The following SNX33 variants were observed in gnomAD, a reference collection of about 807,000 sequenced individuals.
SNX33 encodes sorting nexin-33.
In SNX33, 19 loss-of-function variants were observed where a neutral mutation model predicts 38.8. The observed-to-expected ratio is 0.49, with a 90% CI of 0.34 to 0.72. The LOEUF (loss-of-function observed/expected upper bound fraction) is 0.72. SNX33 is among the 30% of genes least tolerant of loss of function. The pLI is 0.01. For synonymous variants in SNX33, 246 were observed against 289.7 expected (o/e 0.85, Z 1.53); for missense variants, 641 against 776.4 (o/e 0.83, Z 2.07).
Position 75,657,203 on chromosome 15 carries a change from T to C in SNX33, c.1713T>C (p.Tyr571=). 1.2e-6 allele frequency: 2 copies of C among 1,614,004 alleles called. No individual in the cohort carries two copies. The highest frequency in any genetic ancestry group is 1.7e-6 in the Non-Finnish European group (2 of 1,179,930). ...GQQLEKTLRM[Y]DNL ...AGCTGGAGAAGACCCTGCGCATGTA[T>C]GACAACCTCTGACCGCGTGTGCCTG... Residue 571 remains tyrosine (Y), a synonymous_variant, in exon 2 of 2, where the codon TAT becomes TAC. Transcript: ENST00000308527. The surrounding 1 kb of genome is among the most constrained non-coding windows in gnomAD (Gnocchi z 5.5).
At chr15:75,656,814 A>G in intron 1 of SNX33, 148 bp from the exon 2 acceptor site, 1 of 1,269,390 alleles carries the variant, frequency 7.9e-7, no homozygotes, top group Middle Eastern at 2.8e-4. Context: ...ACATCCTGGC[A>G]GAGACACCCA....
In SNX33 at chr15:75,660,864, AG is replaced by A. The variant is rs1443778820; in HGVS notation, c.*3654del. 1 of 152,184 alleles carries A rather than the reference AG, an allele frequency of 6.6e-6. No homozygotes were observed. Among genetic ancestry groups the A allele is most frequent in the Non-Finnish European group, 1.5e-5 (1 of 68,032 alleles). The allele number at this position is 152,184 out of a possible 1,614,324, so 9.4% of individuals were successfully genotyped here. On this transcript the variant is annotated 3_prime_UTR_variant, in exon 2 of 2. Transcript: ENST00000308527. ...ACCACCCCTGGAGGGGGTGTCTCCA[AG>A]GGGGAGTAGAGCCAGTCACAAGCAC...
Position 75,649,028 on chromosome 15 carries a change from T to C in SNX33, c.-75T>C. On this transcript the variant is annotated 5_prime_UTR_variant, in exon 1 of 2. Transcript: ENST00000308527. The surrounding 1 kb of genome is among the most constrained non-coding windows in gnomAD (Gnocchi z 6.6). Reference sequence around the variant, plus strand: ...CGCCATTCAGCTGCGAGTGCATTCTTGGACTGCCTTGTGAGCATCCCCGGT... The same window carrying C: ...CGCCATTCAGCTGCGAGTGCATTCTCGGACTGCCTTGTGAGCATCCCCGGT... 1 of 1,504,466 alleles carries C rather than the reference T, an allele frequency of 6.6e-7. No individual in the cohort carries two copies. Among genetic ancestry groups the C allele is most frequent in the Admixed American group, 2.2e-5 (1 of 44,768 alleles). The allele number at this position is 1,504,466 out of a possible 1,614,324, so 93.2% of individuals were successfully genotyped here.
chr15:75,656,908 G>T, intron 1 of SNX33, 54 bp from the exon 2 acceptor site: 1 of 1,583,142 alleles, frequency 6.3e-7, no homozygotes, highest in South Asian at 1.1e-5. Context: ...AGGGTACAGG[G>T]AGCACATGGA....
At position 75,657,389 on chromosome 15, in the gene SNX33, G is replaced by C; in HGVS notation, c.*174G>C. Reference sequence around the variant, plus strand: ...TTCAAGGAGTCATGGGTGCCCCTGGGAAATTCCCCACTCCTTAGAAGTGGG... The same window carrying C: ...TTCAAGGAGTCATGGGTGCCCCTGGCAAATTCCCCACTCCTTAGAAGTGGG... On this transcript the variant is annotated 3_prime_UTR_variant, in exon 2 of 2. Coordinates refer to ENST00000308527, the MANE Select transcript of SNX33 (RefSeq NM_153271.2). The surrounding 1 kb of genome is among the most constrained non-coding windows in gnomAD (Gnocchi z 5.5). 1 of 1,078,894 alleles carries C rather than the reference G, an allele frequency of 9.3e-7. No individual in the cohort carries two copies. The allele number at this position is 1,078,894 out of a possible 1,614,324, so 66.8% of individuals were successfully genotyped here.
In SNX33 at chr15:75,657,903, T is replaced by G. The variant is rs181726098; in HGVS notation, c.*688T>G. On this transcript the variant is annotated 3_prime_UTR_variant, in exon 2 of 2. Transcript: ENST00000308527. The surrounding 1 kb of genome is among the most constrained non-coding windows in gnomAD (Gnocchi z 5.5). Reference sequence around the variant, plus strand: ...AACATCTCCCTCTTCTCTCCCTTACTTTCCAAGCAAGTTAGGTACGCTTTC... The same window carrying G: ...AACATCTCCCTCTTCTCTCCCTTACGTTCCAAGCAAGTTAGGTACGCTTTC... 6.5e-6 allele frequency: 1 copy of G among 153,542 alleles called. No individual in the cohort carries two copies. The highest frequency in any genetic ancestry group is 1.9e-4 in the East Asian group (1 of 5,188). 9.5% of individuals were successfully genotyped at this position (153,542 alleles called of 1,614,324 possible).
Position 75,650,147 on chromosome 15 carries a change from G to A in SNX33, c.1045G>A (p.Glu349Lys). ...KQWKMGKRRA[E>K]KDEMVGASFL... is the part of the protein sequence containing the mutation. The stretch of plus-strand genomic sequence containing the variant: ...GTGGAAGATGGGCAAACGCCGGGCG[G>A]AGAAGGATGAGATGGTGGGTGCCAG... Residue 349 changes from glutamate (E) to lysine (K), a missense_variant, in exon 1 of 2, where the codon GAG becomes AAG. By Grantham distance (56) the Glu-to-Lys change is moderately conservative. Coordinates refer to ENST00000308527, the MANE Select transcript of SNX33 (RefSeq NM_153271.2). The surrounding 1 kb of genome is among the most constrained non-coding windows in gnomAD (Gnocchi z 6.1). The A allele has an allele frequency of 6.2e-7, 1 of 1,612,980 alleles. No individual in the cohort carries two copies. Among genetic ancestry groups the A allele is most frequent in the Non-Finnish European group, 8.5e-7 (1 of 1,179,396 alleles).
chr15:75,652,006 GTTTT>G lies in SNX33; in HGVS notation c.1471+1445_1471+1448del, dbSNP rs10706187. 1.2e-3 allele frequency among the ~76,000 whole-genome samples: 153 copies of G among 132,860 alleles called. 1 individual carries two copies. Among genetic ancestry groups the G allele is most frequent in the African/African-American group, 4.9e-3 (152 of 30,948 alleles). 87.2% of individuals were successfully genotyped at this position (132,860 alleles called of 152,430 possible). On this transcript the variant is annotated intron_variant, in intron 1 of 1. Transcript: ENST00000308527. Reference sequence around the variant, plus strand: ...ATCCTCTTCCTCTTCCTTTCTTTCTGTTTTTTTTTTTTTTTCTCTCATCTCTACC... The same window carrying G: ...ATCCTCTTCCTCTTCCTTTCTTTCTGTTTTTTTTTTTCTCTCATCTCTACC...
rs1386593927 is a variant in SNX33, at chr15:75,657,434, A to T, written c.*219A>T. ...AGTGGGGCACAGCAGGGGTGAGAAT[A>T]GAGTCAGGAGCCCTCGAGGCCAAGG... On this transcript the variant is annotated 3_prime_UTR_variant, in exon 2 of 2. Coordinates refer to ENST00000308527, the MANE Select transcript of SNX33 (RefSeq NM_153271.2). This position sits in a 1 kb window ranked among gnomAD's most constrained non-coding sequence, Gnocchi z 5.5. The T allele has an allele frequency of 2.7e-6, 2 of 747,644 alleles. No homozygotes were observed. The highest frequency in any genetic ancestry group is 4.2e-6 in the Non-Finnish European group (2 of 473,998). 46.3% of individuals were successfully genotyped at this position (747,644 alleles called of 1,614,324 possible). A position where few individuals can be genotyped will look rare whatever the true frequency, so the allele number is the denominator to read the frequency against.
chr15:75,650,496 T>C lies in SNX33; in HGVS notation c.1394T>C (p.Leu465Pro). The change falls in exon 1 of 2, where the codon CTC (leucine) becomes CCC (proline). Residue 465 changes from leucine (L) to proline (P), a missense_variant. Leu to Pro is a moderately conservative substitution (Grantham distance 98). This residue lies in a region of SNX33 where 398 missense variants were observed against 542.5 expected (regional missense o/e 0.73). Coordinates refer to ENST00000308527, the MANE Select transcript of SNX33 (RefSeq NM_153271.2). This position sits in a 1 kb window ranked among gnomAD's most constrained non-coding sequence, Gnocchi z 6.1. ...TTTGCTGAGCAGCCCAAGAATGACC[T>C]CTTCCAGATGCTGGACACACTGTCT... is the stretch of plus-strand genomic sequence containing the variant. ...EMFAEQPKND[L>P]FQMLDTLSLY... 1 of 1,614,026 alleles carries C rather than the reference T, an allele frequency of 6.2e-7. No individual in the cohort carries two copies. Among genetic ancestry groups the C allele is most frequent in the Non-Finnish European group, 8.5e-7 (1 of 1,180,008 alleles).
At chr15:75,652,802 G>A (rs778807867) in intron 1 of SNX33, among the ~76,000 whole-genome samples, 2 of 152,200 alleles carry the variant, frequency 1.3e-5, no homozygotes, top group Non-Finnish European at 2.9e-5. Context: ...TAGGGAGGGG[G>A]TACTGAGACA....
In SNX33 at chr15:75,649,443, A is replaced by T; in HGVS notation, c.341A>T (p.Asp114Val). 6.5e-7 allele frequency: 1 copy of T among 1,537,332 alleles called. No homozygotes were observed. Among genetic ancestry groups the T allele is most frequent in the East Asian group, 2.3e-5 (1 of 43,970 alleles). Residue 114 changes from aspartate to valine, a missense_variant, in exon 1 of 2, where the codon GAT (aspartate) becomes GTT (valine). Asp to Val is a radical substitution (Grantham distance 152, BLOSUM62 -3). Transcript: ENST00000308527. This position sits in a 1 kb window ranked among gnomAD's most constrained non-coding sequence, Gnocchi z 6.6. ...CAGGGTAGCTTTGAGGAGGATGATG[A>T]TGATGACTGGGATGACTGGGACGAC... ...SNQGSFEEDD[D>V]DDWDDWDDGC...
chr15:75,657,611 C>T lies in SNX33; in HGVS notation c.*396C>T. On this transcript the variant is annotated 3_prime_UTR_variant, in exon 2 of 2. Coordinates refer to ENST00000308527, the MANE Select transcript of SNX33 (RefSeq NM_153271.2). This position sits in a 1 kb window ranked among gnomAD's most constrained non-coding sequence, Gnocchi z 5.5. The stretch of plus-strand genomic sequence containing the variant: ...TGGGTCGGATGCTGGGCACCCAGGG[C>T]TGTGACATGCCTGCTCTTCAGGAGT... 3.4e-6 allele frequency: 1 copy of T among 291,338 alleles called. No individual in the cohort carries two copies. The highest frequency in any genetic ancestry group is 6.7e-6 in the Non-Finnish European group (1 of 149,006). 18.0% of individuals were successfully genotyped at this position (291,338 alleles called of 1,614,324 possible). A position where few individuals can be genotyped will look rare whatever the true frequency, so the allele number is the denominator to read the frequency against.
rs1471837828 is a variant in SNX33 at position 75,648,540 on chromosome 15, C to G, written c.-563C>G. The stretch of plus-strand genomic sequence containing the variant: ...CTTGGATTTTCCGGATTTTTGAAAA[C>G]CCAGTGGCCCAGGAGCAAGAGGAGG... On this transcript the variant is annotated 5_prime_UTR_variant, in exon 1 of 2. Coordinates refer to ENST00000308527, the MANE Select transcript of SNX33 (RefSeq NM_153271.2). This position sits in a 1 kb window ranked among gnomAD's most constrained non-coding sequence, Gnocchi z 4.4. 8.1e-6 allele frequency: 8 copies of G among 985,282 alleles called. No homozygotes were observed. Among genetic ancestry groups the G allele is most frequent in the Non-Finnish European group, 8.4e-6 (7 of 829,988 alleles). The allele number at this position is 985,282 out of a possible 1,614,324, so 61.0% of individuals were successfully genotyped here.
At position 75,657,089 on chromosome 15, in the gene SNX33, C is replaced by G. The variant is rs1893662431; in HGVS notation, c.1599C>G (p.His533Gln). The G allele has an allele frequency of 1.9e-6, 3 of 1,614,200 alleles. No homozygotes were observed. Among genetic ancestry groups the G allele is most frequent in the Non-Finnish European group, 2.5e-6 (3 of 1,180,028 alleles). The change falls in exon 2 of 2, where the codon CAC (histidine) becomes CAG (glutamine). Residue 533 changes from histidine (H) to glutamine (Q), a missense_variant. Coordinates refer to ENST00000308527, the MANE Select transcript of SNX33 (RefSeq NM_153271.2). This position sits in a 1 kb window ranked among gnomAD's most constrained non-coding sequence, Gnocchi z 5.5. ...TCGCCCTGCAGGCCGAGATGAACCA[C>G]TTCCACCAGCGCCGTGAGCTCGACT... ...VGFALQAEMN[H>Q]FHQRRELDFK...
chr15:75,650,592 A>G lies in SNX33; in HGVS notation c.1471+19A>G. 1.3e-6 allele frequency: 2 copies of G among 1,563,278 alleles called. No homozygotes were observed. The highest frequency in any genetic ancestry group is 2.4e-5 in the South Asian group (2 of 82,214). On this transcript the variant is annotated intron_variant, in intron 1 of 1. Coordinates refer to ENST00000308527, the MANE Select transcript of SNX33 (RefSeq NM_153271.2). The surrounding 1 kb of genome is among the most constrained non-coding windows in gnomAD (Gnocchi z 6.1). ...CAAAAAGGTAAGGCCCAGTGCAGGCAGGAAACTCGTCCTGAGTCTGGCTCT... is the reference window on the plus strand; with the variant it reads ...CAAAAAGGTAAGGCCCAGTGCAGGCGGGAAACTCGTCCTGAGTCTGGCTCT...
In SNX33 at chr15:75,649,997, G is replaced by A. The variant is rs980964644; in HGVS notation, c.895G>A (p.Glu299Lys). 1.5e-5 allele frequency: 24 copies of A among 1,601,834 alleles called. No homozygotes were observed. The highest frequency in any genetic ancestry group is 2.2e-5 in the South Asian group (2 of 89,224). ...LPEKQATGRF[E>K]EDFIEKRKRR... Reference sequence around the variant, plus strand: ...TGAGAAGCAGGCCACTGGCCGCTTCGAGGAGGACTTCATCGAAAAGCGGAA... The same window carrying A: ...TGAGAAGCAGGCCACTGGCCGCTTCAAGGAGGACTTCATCGAAAAGCGGAA... The change falls in exon 1 of 2, where the codon GAG becomes AAG. Residue 299 changes from glutamate (E) to lysine (K), a missense_variant. Around this residue, in one of 2 missense-constraint regions of SNX33, gnomAD observed 398 missense variants for 542.5 expected, o/e 0.73. Coordinates refer to ENST00000308527, the MANE Select transcript of SNX33 (RefSeq NM_153271.2). This position sits in a 1 kb window ranked among gnomAD's most constrained non-coding sequence, Gnocchi z 6.6.
intron 1 of SNX33, among the ~76,000 whole-genome samples, chr15:75,653,944 A>T: frequency 6.6e-6 from 1 of 152,094 alleles, no homozygotes; most frequent in South Asian, 2.1e-4. Flanking sequence ...ATACAAAAAA[A>T]TAGCCAGGCA....
Position 75,649,940 on chromosome 15 carries a change from A to G in SNX33, c.838A>G (p.Lys280Glu). The G allele has an allele frequency of 1.2e-6, 2 of 1,602,434 alleles. No homozygotes were observed. Among genetic ancestry groups the G allele is most frequent in the Non-Finnish European group, 1.7e-6 (2 of 1,174,866 alleles). ...FDWLYNRLLH[K>E]FTVISVPHLP... is the part of the protein sequence containing the mutation. ...CTGGCTCTATAACCGCCTGCTACACAAGTTCACTGTCATCTCGGTGCCCCA... is the reference window on the plus strand; with the variant it reads ...CTGGCTCTATAACCGCCTGCTACACGAGTTCACTGTCATCTCGGTGCCCCA... Residue 280 changes from lysine to glutamate, a missense_variant, in exon 1 of 2, where the codon AAG becomes GAG. This residue lies in a region of SNX33 where 398 missense variants were observed against 542.5 expected (regional missense o/e 0.73). Coordinates refer to ENST00000308527, the MANE Select transcript of SNX33 (RefSeq NM_153271.2). The surrounding 1 kb of genome is among the most constrained non-coding windows in gnomAD (Gnocchi z 6.6).
Sources: gnomAD v4.1 joint callset for allele counts (sites outside exome capture counted in the v4.1 genomes callset) on GRCh38, gnomAD v4.1.1 for gene constraint, gnomAD v4.1.1 regional missense constraint, Gnocchi (gnomAD v3.1) non-coding constraint, MANE v1.5 for transcripts, NCBI Gene and HGNC (gene_info 2026-07-23, HGNC 2026-07-21) for gene names.